DNM1: variants seen among roughly 807,000 people sequenced by gnomAD.
DNM1 encodes dynamin-1.
DNM1 carries 29 observed loss-of-function variants against 104.6 expected under a neutral mutation model. The observed-to-expected ratio is 0.28, with a 90% CI of 0.21 to 0.38. The LOEUF (loss-of-function observed/expected upper bound fraction) is 0.38, where lower values mean the gene tolerates loss of function less well. Among genes scored for constraint, DNM1 ranks in the 10% least tolerant of loss-of-function variants. The pLI is 1.00. For missense variants in DNM1, 640 were observed against 1,189.4 expected, an observed-to-expected ratio of 0.54 and a Z score of 6.79; for synonymous variants, 445 against 475.8, an observed-to-expected ratio of 0.94 and a Z score of 0.84.
intron 20 of DNM1, 31 bp downstream of exon 20, chr9:128,250,387 C>T (rs1041419154): frequency 2.6e-6 from 4 of 1,536,302 alleles, no homozygotes; most frequent in Non-Finnish European, 3.5e-6. Flanking sequence ...GGCCCCAAAG[C>T]CCCCCAGCCC....
chr9:128,212,218 T>C (rs1834343842), intron 1 of DNM1, among the ~76,000 whole-genome samples: 1 of 152,244 alleles, frequency 6.6e-6, no homozygotes, highest in African/African-American at 2.4e-5. Flanking sequence ...TGCTGGCCTG[T>C]GTCCTATTTC....
Position 128,234,193 on chromosome 9 carries a change from C to T in DNM1, c.1422+86C>T, listed in dbSNP as rs531992479. On this transcript the variant is annotated intron_variant, in intron 11 of 21. Transcript: ENST00000372923. The stretch of plus-strand genomic sequence containing the variant: ...TCCACTCCTGGCCCTGGGGTTGCTT[C>T]CTTCTTGTTTTGTCTCTTCTGTCTC... 376 of 1,144,958 alleles carry T rather than the reference C, an allele frequency of 3.3e-4. 3 individuals are homozygous for T. In the South Asian group the frequency reaches 5.6e-3, roughly 17 times the overall value. 70.9% of individuals were successfully genotyped at this position (1,144,958 alleles called of 1,614,324 possible). A position where few individuals can be genotyped will look rare whatever the true frequency, so the allele number is the denominator to read the frequency against.
At chr9:128,210,546 A>G (rs1047278233) in intron 1 of DNM1, among the ~76,000 whole-genome samples, 2 of 151,968 alleles carry the variant, frequency 1.3e-5, no homozygotes, top group African/African-American at 4.8e-5. Context: ...TATTTTTAGT[A>G]GAGATGGGGT....
In DNM1 at chr9:128,247,883, G is replaced by T. The variant is rs779159689; in HGVS notation, c.1894-41G>T. The T allele has an allele frequency of 1.2e-6, 2 of 1,611,130 alleles. No homozygotes were observed. Among genetic ancestry groups the T allele is most frequent in the African/African-American group, 1.3e-5 (1 of 74,934 alleles). Reference sequence around the variant, plus strand: ...GTGTTTCCTTCGGCTGTGCTCCCTGGTGGTGGCGGCGGTGGCAATGTTGGT... The same window carrying T: ...GTGTTTCCTTCGGCTGTGCTCCCTGTTGGTGGCGGCGGTGGCAATGTTGGT... On this transcript the variant is annotated intron_variant, in intron 17 of 21. Transcript: ENST00000372923. This position sits in a 1 kb window ranked among gnomAD's most constrained non-coding sequence, Gnocchi z 5.1.
In DNM1 at chr9:128,220,723, TGAAGTG is replaced by T. The variant is rs2131160127; in HGVS notation, c.849+383_849+388del. On this transcript the variant is annotated intron_variant, in intron 6 of 21. Coordinates refer to ENST00000372923, the MANE Select transcript of DNM1 (RefSeq NM_004408.4). This position sits in a 1 kb window ranked among gnomAD's most constrained non-coding sequence, Gnocchi z 5.2. ...CCATCTGGAATGGGGCATCCAGAACTGAAGTGCGCGCGCGCGCGCGTGTGTGTGTGT... is the reference window on the plus strand; with the variant it reads ...CCATCTGGAATGGGGCATCCAGAACTCGCGCGCGCGCGCGTGTGTGTGTGT... Among the ~76,000 whole-genome samples, 1 of 73,260 alleles carries T rather than the reference TGAAGTG, an allele frequency of 1.4e-5. No individual in the cohort carries two copies. Among genetic ancestry groups the T allele is most frequent in the East Asian group, 8.4e-4 (1 of 1,188 alleles). The allele number at this position is 73,260 out of a possible 152,430, so 48.1% of individuals were successfully genotyped here.
At position 128,243,507 on chromosome 9, in the gene DNM1, CCT is replaced by C. The variant is rs1035935973; in HGVS notation, c.1671+1165_1671+1166del. Among the ~76,000 whole-genome samples the C allele has an allele frequency of 6.6e-6, 1 of 152,222 alleles. No homozygotes were observed. Among genetic ancestry groups the C allele is most frequent in the African/African-American group, 2.4e-5 (1 of 41,456 alleles). Reference sequence around the variant, plus strand: ...CCCAACTCTCCACCTTGGGAGGGGCCCTCTGTCGTCACTGGCGGGGGCGCCAA... The same window carrying C: ...CCCAACTCTCCACCTTGGGAGGGGCCCTGTCGTCACTGGCGGGGGCGCCAA... On this transcript the variant is annotated intron_variant, in intron 15 of 21. Coordinates refer to ENST00000372923, the MANE Select transcript of DNM1 (RefSeq NM_004408.4). The surrounding 1 kb of genome is among the most constrained non-coding windows in gnomAD (Gnocchi z 4.0).
At position 128,250,768 on chromosome 9, in the gene DNM1, G is replaced by A; in HGVS notation, c.2362G>A (p.Val788Met). Residue 788 changes from valine (V) to methionine (M), a missense_variant, in exon 21 of 22, where the codon GTG (valine) becomes ATG (methionine). Val to Met is a conservative substitution (Grantham distance 21). Transcript: ENST00000372923. ...SPTPQRRAPA[V>M]PPARPGSRGP... ...CACGCCGCAGCGCCGAGCCCCCGCCGTGCCCCCAGCCCGGCCCGGGTCGCG... is the reference window on the plus strand; with the variant it reads ...CACGCCGCAGCGCCGAGCCCCCGCCATGCCCCCAGCCCGGCCCGGGTCGCG... The A allele has an allele frequency of 2.8e-6, 4 of 1,415,464 alleles. No individual in the cohort carries two copies. Among genetic ancestry groups the A allele is most frequent in the South Asian group, 1.5e-5 (1 of 67,454 alleles). The allele number at this position is 1,415,464 out of a possible 1,614,324, so 87.7% of individuals were successfully genotyped here.
chr9:128,203,578 G>T lies in DNM1; in HGVS notation c.108G>T (p.Val36=), dbSNP rs972860852. 30 of 1,551,176 alleles carry T rather than the reference G, an allele frequency of 1.9e-5. No homozygotes were observed. The highest frequency in any genetic ancestry group is 2.3e-5 in the Non-Finnish European group (26 of 1,152,476). The change falls in exon 1 of 22, where the codon GTG becomes GTT. Residue 36 remains valine, a synonymous_variant. Coordinates refer to ENST00000372923, the MANE Select transcript of DNM1 (RefSeq NM_004408.4). This position sits in a 1 kb window ranked among gnomAD's most constrained non-coding sequence, Gnocchi z 5.3. ...ACCTCGACCTGCCGCAGATCGCTGT[G>T]GTGGGCGGCCAGAGCGCCGGCAAGA... ...NADLDLPQIA[V]VGGQSAGKSS...
rs1836943725 is a variant in DNM1, at chr9:128,248,176, A to C, written c.1905+241A>C. 1 of 564,878 alleles carries C rather than the reference A, an allele frequency of 1.8e-6. No individual in the cohort carries two copies. 35.0% of individuals were successfully genotyped at this position (564,878 alleles called of 1,614,324 possible). A position where few individuals can be genotyped will look rare whatever the true frequency, so the allele number is the denominator to read the frequency against. On this transcript the variant is annotated intron_variant, in intron 18 of 21. Coordinates refer to ENST00000372923, the MANE Select transcript of DNM1 (RefSeq NM_004408.4). This position sits in a 1 kb window ranked among gnomAD's most constrained non-coding sequence, Gnocchi z 5.6. ...ACCCCACCTCTACTAAAAATACAAA[A>C]ATTAGCCAGGCATGGTGGTGCGCGC...
chr9:128,205,320 G>A (rs921902173), intron 1 of DNM1, among the ~76,000 whole-genome samples: 5 of 152,190 alleles, frequency 3.3e-5, no homozygotes, highest in African/African-American at 1.2e-4. Context: ...GGGGTAGGGA[G>A]GGGACCAACT....
chr9:128,220,921 C>CTTTT lies in DNM1; in HGVS notation c.849+583_849+584insTTTT, dbSNP rs777396693. On this transcript the variant is annotated intron_variant, in intron 6 of 21. Transcript: ENST00000372923. This position sits in a 1 kb window ranked among gnomAD's most constrained non-coding sequence, Gnocchi z 5.2. ...TCTTTCTTTCTTTCTTTCTTTCTTT[C>CTTTT]TTTCTTTCTTTCTTTTCTTTTCTTT... Among the ~76,000 whole-genome samples the CTTTT allele has an allele frequency of 7.0e-6, 1 of 143,786 alleles. No homozygotes were observed. The highest frequency in any genetic ancestry group is 1.5e-5 in the Non-Finnish European group (1 of 64,816). 94.3% of individuals were successfully genotyped at this position (143,786 alleles called of 152,430 possible). A position where few individuals can be genotyped will look rare whatever the true frequency, so the allele number is the denominator to read the frequency against.
In DNM1 at chr9:128,218,699, T is replaced by C; in HGVS notation, c.353T>C (p.Val118Ala). ...GGCACCAACAAGGGCATCTCGCCGG[T>C]GCCTATCAACCTCCGCGTCTACTCG... ...VTGTNKGISP[V>A]PINLRVYSPH... Residue 118 changes from valine (V) to alanine (A), a missense_variant, in exon 3 of 22, where the codon GTG (valine) becomes GCG (alanine). By Grantham distance (64) the Val-to-Ala change is moderately conservative. Around this residue, in one of 7 missense-constraint regions of DNM1, gnomAD observed 172 missense variants for 335.3 expected, o/e 0.51. Transcript: ENST00000372923. The surrounding 1 kb of genome is among the most constrained non-coding windows in gnomAD (Gnocchi z 4.8). 6.2e-7 allele frequency: 1 copy of C among 1,610,252 alleles called. No individual in the cohort carries two copies. The highest frequency in any genetic ancestry group is 8.5e-7 in the Non-Finnish European group (1 of 1,177,232).
intron 10 of DNM1, among the ~76,000 whole-genome samples, chr9:128,226,842 G>C (rs139514041): frequency 1.2e-3 from 190 of 152,156 alleles, no homozygotes; most frequent in African/African-American, 4.1e-3. Context: ...CTTCCCAGGG[G>C]AGTGCGAGAG....
In DNM1 at chr9:128,218,322, C is replaced by T. The variant is rs768729805; in HGVS notation, c.235+18C>T. 17 of 1,613,764 alleles carry T rather than the reference C, an allele frequency of 1.1e-5. No individual in the cohort carries two copies. Among genetic ancestry groups the T allele is most frequent in the Non-Finnish European group, 1.4e-5 (17 of 1,179,656 alleles). ...AACCACAGGTACGTGCCCTCCTTCA[C>T]CAGCAGCCAGGCCTGCCCACTCCAG... On this transcript the variant is annotated intron_variant, in intron 2 of 21. Transcript: ENST00000372923. This position sits in a 1 kb window ranked among gnomAD's most constrained non-coding sequence, Gnocchi z 4.8.
Position 128,250,226 on chromosome 9 carries a change from C to T in DNM1, c.2188C>T (p.Arg730Cys), listed in dbSNP as rs10987947. ...EQAQRRDEML[R>C]MYHALKEALS... ...GGCACAGCGGCGCGACGAGATGCTG[C>T]GCATGTACCACGCACTGAAGGAGGC... The change falls in exon 20 of 22, where the codon CGC (arginine) becomes TGC (cysteine). Residue 730 changes from arginine (R) to cysteine (C), a missense_variant. By Grantham distance (180) the Arg-to-Cys change is radical. Transcript: ENST00000372923. The T allele has an allele frequency of 1.2e-6, 2 of 1,614,014 alleles. No individual in the cohort carries two copies. Among genetic ancestry groups the T allele is most frequent in the Non-Finnish European group, 1.7e-6 (2 of 1,180,024 alleles).
In DNM1 at chr9:128,224,564, C is replaced by T. The variant is rs1035939246; in HGVS notation, c.1335+175C>T. ...AATGTGCCTCTGAGAGGGCCTCACC[C>T]ACCCCTGGCCCCCAGGTCTGGGGAC... On this transcript the variant is annotated intron_variant, in intron 10 of 21. Coordinates refer to ENST00000372923, the MANE Select transcript of DNM1 (RefSeq NM_004408.4). The surrounding 1 kb of genome is among the most constrained non-coding windows in gnomAD (Gnocchi z 4.3). Among the ~76,000 whole-genome samples, 4 of 152,112 alleles carry T rather than the reference C, an allele frequency of 2.6e-5. No homozygotes were observed. The highest frequency in any genetic ancestry group is 4.8e-5 in the African/African-American group (2 of 41,428).
chr9:128,234,754 G>T (rs754749229), intron 11 of DNM1: 1 of 152,106 alleles, frequency 6.6e-6, no homozygotes, highest in Non-Finnish European at 1.5e-5. Context: ...CCCAGCTCCC[G>T]GCAGCTGGCA....
chr9:128,225,466 A>G (rs1835285868), intron 10 of DNM1, among the ~76,000 whole-genome samples: 1 of 152,222 alleles, frequency 6.6e-6, no homozygotes. Context: ...GGAGTTGTGC[A>G]GTGCATGGCC....
rs1829648545 is a variant in DNM1, at chr9:128,253,354, C to T, written c.2535-1300C>T. 1 of 583,440 alleles carries T rather than the reference C, an allele frequency of 1.7e-6. No individual in the cohort carries two copies. 36.1% of individuals were successfully genotyped at this position (583,440 alleles called of 1,614,324 possible). A position where few individuals can be genotyped will look rare whatever the true frequency, so the allele number is the denominator to read the frequency against. On this transcript the variant is annotated intron_variant, in intron 21 of 21. Transcript: ENST00000372923. The surrounding 1 kb of genome is among the most constrained non-coding windows in gnomAD (Gnocchi z 5.9). ...GACTCAGTGCCACTGCCCAAGGCCT[C>T]CATGGCTGAGCCTGGAGGCTCTTGG...
Sources: gnomAD v4.1 joint callset for allele counts (sites outside exome capture counted in the v4.1 genomes callset) on GRCh38, gnomAD v4.1.1 for gene constraint, gnomAD v4.1.1 regional missense constraint, Gnocchi (gnomAD v3.1) non-coding constraint, MANE v1.5 for transcripts, NCBI Gene and HGNC (gene_info 2026-07-23, HGNC 2026-07-21) for gene names.